ICA1: variants seen among roughly 807,000 people sequenced by gnomAD.
The protein encoded by ICA1 is 69 kDa islet cell autoantigen.
ICA1 carries 40 observed loss-of-function variants against 71.0 expected under a neutral mutation model. The observed-to-expected ratio is 0.56, with a 90% CI of 0.44 to 0.73. The LOEUF (loss-of-function observed/expected upper bound fraction) is 0.73, where lower values mean the gene tolerates loss of function less well. Among genes scored for constraint, ICA1 ranks in the 30% least tolerant of loss-of-function variants. The pLI is 0.00. For synonymous variants in ICA1, 207 were observed against 209.5 expected, an observed-to-expected ratio of 0.99 and a Z score of 0.10; for missense variants, 578 against 576.5, an observed-to-expected ratio of 1.00 and a Z score of -0.03.
chr7:8,186,035 CA>C (rs1420005388), intron 6 of ICA1, among the ~76,000 whole-genome samples: 7 of 152,062 alleles, frequency 4.6e-5, no homozygotes, highest in African/African-American at 1.7e-4. Flanking sequence ...TGTTAGGTGG[CA>C]AAAGAGTGGT....
chr7:8,114,180 A>T, intron 13 of ICA1, 136 bp from the exon 14 acceptor site: 1 of 955,312 alleles, frequency 1.0e-6, no homozygotes, highest in Non-Finnish European at 1.6e-6. Flanking sequence ...TCTCTCTGAC[A>T]ATAGTTAGGG....
At chr7:8,261,926 C>G (rs1812632510) in intron 1 of ICA1, 168 bp downstream of exon 1, 1 of 152,428 alleles carries the variant, frequency 6.6e-6, no homozygotes, top group African/African-American at 2.4e-5. Context: ...GGTTCCCGCA[C>G]CGGGATCCGG....
chr7:8,145,650 A>G (rs912118857), intron 8 of ICA1, among the ~76,000 whole-genome samples: 1 of 151,584 alleles, frequency 6.6e-6, no homozygotes, highest in Non-Finnish European at 1.5e-5. Flanking sequence ...CTGATAAAAA[A>G]GTAAAAATTA....
Position 8,128,119 on chromosome 7 carries a change from T to G in ICA1, c.1084A>C (p.Thr362Pro), listed in dbSNP as rs750147258. 1 of 1,613,736 alleles carries G rather than the reference T, an allele frequency of 6.2e-7. No individual in the cohort carries two copies. The highest frequency in any genetic ancestry group is 1.3e-5 in the African/African-American group (1 of 74,816). ...TTGTCAGCACCTTCAGGTTCCGGGG[T>G]CCCTGCCACTGGTCCCAGGCAAGCT... is the stretch of plus-strand genomic sequence containing the variant. ...EGACLGPVAG[T>P]PEPEGADKDD... Residue 362 changes from threonine to proline, a missense_variant, in exon 13 of 14, where the codon ACC (threonine) becomes CCC (proline). Thr to Pro is a conservative substitution (Grantham distance 38, BLOSUM62 -1). Transcript: ENST00000402384.
intron 6 of ICA1, among the ~76,000 whole-genome samples, chr7:8,207,001 G>C (rs1462981298): frequency 6.6e-6 from 1 of 152,062 alleles, no homozygotes; most frequent in Non-Finnish European, 1.5e-5. Flanking sequence ...AGTGGTCCAG[G>C]ACAGAAATTT....
chr7:8,235,831 T>C, intron 2 of ICA1, 79 bp downstream of exon 2: 1 of 1,442,246 alleles, frequency 6.9e-7, no homozygotes, highest in South Asian at 1.2e-5. Flanking sequence ...CTCTTGTTTT[T>C]CCATTCAATA....
chr7:8,253,144 G>A (rs1808773544), intron 1 of ICA1, among the ~76,000 whole-genome samples: 1 of 152,226 alleles, frequency 6.6e-6, no homozygotes, highest in African/African-American at 2.4e-5. Context: ...AAAAGAGCTA[G>A]AAATTAATTC....
At chr7:8,241,008 A>G (rs1456239524) in intron 1 of ICA1, among the ~76,000 whole-genome samples, 1 of 152,224 alleles carries the variant, frequency 6.6e-6, no homozygotes, top group Non-Finnish European at 1.5e-5. Context: ...ATTATCCAGG[A>G]GAATTTCCCC....
intron 6 of ICA1, among the ~76,000 whole-genome samples, chr7:8,161,307 A>G (rs1363095348): frequency 6.6e-6 from 1 of 152,210 alleles, no homozygotes; most frequent in Non-Finnish European, 1.5e-5. Flanking sequence ...TGGGAAAATT[A>G]AAAACATAGA....
intron 5 of ICA1, among the ~76,000 whole-genome samples, chr7:8,219,338 G>T (rs1796341564): frequency 6.6e-6 from 1 of 152,194 alleles, no homozygotes; most frequent in South Asian, 2.1e-4. Context: ...GGGCACAGGT[G>T]CCAAAAAATG....
At chr7:8,168,587 T>C (rs1293542194) in intron 6 of ICA1, among the ~76,000 whole-genome samples, 1 of 152,182 alleles carries the variant, frequency 6.6e-6, no homozygotes, top group Non-Finnish European at 1.5e-5. Flanking sequence ...TGGTCAACAA[T>C]GTTGATCTTA....
intron 6 of ICA1, among the ~76,000 whole-genome samples, chr7:8,169,252 T>C (rs75952116): frequency 0.019 from 2,963 of 152,268 alleles, 71 homozygotes; most frequent in African/African-American, 0.065. Flanking sequence ...CTGTTACTTG[T>C]ACATCAATTT....
intron 1 of ICA1, among the ~76,000 whole-genome samples, chr7:8,250,467 C>T (rs1000561508): frequency 5.3e-5 from 8 of 152,080 alleles, no homozygotes; most frequent in Non-Finnish European, 1.2e-4. Context: ...TAAAGTAACA[C>T]GATTTTGATG....
In ICA1 at chr7:8,117,053, G is replaced by A. The variant is rs192441433; in HGVS notation, c.1331-3009C>T. ...TCCCCCATGCTGTTCTCCTGATAGT[G>A]AATTCTCGCGAGATCTGATGGTTTT... is the stretch of plus-strand genomic sequence containing the variant. On this transcript the variant is annotated intron_variant, in intron 13 of 13. Transcript: ENST00000402384. 8.5e-5 allele frequency among the ~76,000 whole-genome samples: 13 copies of A among 152,258 alleles called. 1 individual carries two copies. The East Asian group carries it at 2.5e-3, about 29-fold the overall frequency.
At position 8,221,291 on chromosome 7, in the gene ICA1, A is replaced by C; in HGVS notation, c.364T>G (p.Phe122Val). 6.2e-7 allele frequency: 1 copy of C among 1,613,596 alleles called. No individual in the cohort carries two copies. Among genetic ancestry groups the C allele is most frequent in the Non-Finnish European group, 8.5e-7 (1 of 1,179,634 alleles). ...MMQATGKALC[F>V]SSQQRLALRN... ...GCCACACACCTTTGCTGGGAAGAAAAGCAGAGGGCCTTTCCTGTCGCTTGC... is the reference window on the plus strand; with the variant it reads ...GCCACACACCTTTGCTGGGAAGAAACGCAGAGGGCCTTTCCTGTCGCTTGC... The change falls in exon 5 of 14, where the codon TTT (phenylalanine) becomes GTT (valine). Residue 122 changes from phenylalanine to valine, a missense_variant. By Grantham distance (50) the Phe-to-Val change is conservative. Coordinates refer to ENST00000402384, the MANE Select transcript of ICA1 (RefSeq NM_001136020.3).
Position 8,188,413 on chromosome 7 carries a change from G to C in ICA1, c.580-29761C>G, listed in dbSNP as rs116756451. On this transcript the variant is annotated intron_variant, in intron 6 of 13. Transcript: ENST00000402384. The stretch of plus-strand genomic sequence containing the variant: ...ACTGCTCTTCCATGGTCGCTTCCTT[G>C]CCCAGGAACCTTCATACCGACATAA... Among the ~76,000 whole-genome samples, 897 of 152,160 alleles carry C rather than the reference G, an allele frequency of 5.9e-3. 5 individuals are homozygous for C. The highest frequency in any genetic ancestry group is 0.021 in the African/African-American group (853 of 41,486).
chr7:8,221,467 C>A, intron 4 of ICA1, 69 bp from the exon 5 acceptor site: 1 of 1,553,680 alleles, frequency 6.4e-7, no homozygotes, highest in Non-Finnish European at 8.8e-7. Context: ...ACAAGAAAGA[C>A]AAATCACAAG....
intron 6 of ICA1, among the ~76,000 whole-genome samples, chr7:8,184,359 T>C (rs1272736067): frequency 6.6e-6 from 1 of 152,246 alleles, no homozygotes; most frequent in Non-Finnish European, 1.5e-5. Context: ...ACACTGCCTT[T>C]TGCTCCAGCT....
chr7:8,225,807 C>G (rs1798424165), intron 4 of ICA1, among the ~76,000 whole-genome samples: 1 of 152,174 alleles, frequency 6.6e-6, no homozygotes, highest in South Asian at 2.1e-4. Context: ...TTCTAAAGTA[C>G]AGAGTGAGAA....
Sources: allele counts gnomAD v4.1 joint callset (sites outside exome capture counted in the v4.1 genomes callset), GRCh38; gene constraint gnomAD v4.1.1; transcripts MANE v1.5; gene names NCBI Gene and HGNC (gene_info 2026-07-23, HGNC 2026-07-21).